MCUR1: variants seen among roughly 807,000 people sequenced by gnomAD.
MCUR1 encodes MCU regulator 1.
MCUR1 carries 37 observed loss-of-function variants against 42.0 expected under a neutral mutation model. The ratio of observed to expected loss-of-function variants is 0.88; its 90% confidence interval spans 0.68 to 1.16. The LOEUF (loss-of-function observed/expected upper bound fraction) is 1.16. MCUR1 is among the 50% of genes most tolerant of loss of function. The probability of loss-of-function intolerance (pLI) is 0.00; values close to 1 mark genes in which losing one functional copy is unlikely to be tolerated. For missense variants in MCUR1, 469 were observed against 468.4 expected (o/e 1.00, Z -0.01); for synonymous variants, 229 against 196.2 (o/e 1.17, Z -1.40).
chr6:13,808,461 C>A (rs988613703), intron 1 of MCUR1, among the ~76,000 whole-genome samples: 1 of 152,072 alleles, frequency 6.6e-6, no homozygotes, highest in African/African-American at 2.4e-5. Flanking sequence ...TTTCACTTTT[C>A]GATACTGTCT....
chr6:13,813,923 G>C, intron 1 of MCUR1, 92 bp downstream of exon 1: 1 of 1,196,788 alleles, frequency 8.4e-7, no homozygotes. Context: ...CGGCCTGCCG[G>C]GCCTTTCCTC....
intron 4 of MCUR1, among the ~76,000 whole-genome samples, chr6:13,801,018 T>C (rs1335817436): frequency 6.6e-6 from 1 of 152,204 alleles, no homozygotes; most frequent in Non-Finnish European, 1.5e-5. Flanking sequence ...AGACACACAG[T>C]ATGATACCAT....
At chr6:13,802,647 C>G (rs1424744865) in intron 2 of MCUR1, among the ~76,000 whole-genome samples, 1 of 152,148 alleles carries the variant, frequency 6.6e-6, no homozygotes, top group Non-Finnish European at 1.5e-5. Flanking sequence ...GGCAAGTCAA[C>G]ATCAAGTGAA....
chr6:13,809,723 C>G (rs6918106), intron 1 of MCUR1, among the ~76,000 whole-genome samples: 31,601 of 148,270 alleles, frequency 0.21, 5,917 homozygotes, highest in African/African-American at 0.5. Context: ...GCAAGACCTC[C>G]TCTCAAAAAA....
chr6:13,793,229 T>G (rs192869235), intron 7 of MCUR1, among the ~76,000 whole-genome samples: 2 of 152,214 alleles, frequency 1.3e-5, no homozygotes, highest in African/African-American at 4.8e-5. Context: ...CCAAACACTT[T>G]GTGAAGTGCA....
At chr6:13,804,713 C>T (rs956066476) in intron 2 of MCUR1, among the ~76,000 whole-genome samples, 4 of 149,318 alleles carry the variant, frequency 2.7e-5, no homozygotes, top group African/African-American at 1.0e-4. Flanking sequence ...TGGCATGAAC[C>T]CGGGAGGTGG....
In MCUR1 at chr6:13,814,357, C is replaced by A; in HGVS notation, c.73G>T (p.Val25Leu). The change falls in exon 1 of 9, where the codon GTG becomes TTG. Residue 25 changes from valine to leucine, a missense_variant. Coordinates refer to ENST00000379170, the MANE Select transcript of MCUR1 (RefSeq NM_001031713.4). ...PGRQRLLFLP[V>L]GLSGRPGGSE... is the part of the protein sequence containing the mutation. ...CCGCCCGGTCTTCCGCTGAGGCCCA[C>A]GGGCAAGAAGAGAAGCCGCTGGCGG... 1 of 1,523,012 alleles carries A rather than the reference C, an allele frequency of 6.6e-7. No homozygotes were observed. Among genetic ancestry groups the A allele is most frequent in the Non-Finnish European group, 8.7e-7 (1 of 1,143,700 alleles). 94.3% of individuals were successfully genotyped at this position (1,523,012 alleles called of 1,614,324 possible).
intron 1 of MCUR1, among the ~76,000 whole-genome samples, chr6:13,809,402 T>C (rs1760181757): frequency 6.6e-6 from 1 of 152,206 alleles, no homozygotes; most frequent in African/African-American, 2.4e-5. Flanking sequence ...TCTTTTCTTG[T>C]AATGTCTTTG....
At chr6:13,801,501 A>C (rs190235018) in intron 3 of MCUR1, 112 bp from the exon 4 acceptor site, 18 of 716,252 alleles carry the variant, frequency 2.5e-5, no homozygotes, top group South Asian at 2.1e-4. Flanking sequence ...GGACACAAAA[A>C]GAGGTTCAGT....
At position 13,814,000 on chromosome 6, in the gene MCUR1, C is replaced by T; in HGVS notation, c.415+15G>A. The T allele has an allele frequency of 8.1e-7, 1 of 1,231,530 alleles. No homozygotes were observed. The highest frequency in any genetic ancestry group is 1.0e-6 in the Non-Finnish European group (1 of 986,930). 76.3% of individuals were successfully genotyped at this position (1,231,530 alleles called of 1,614,324 possible). Reference sequence around the variant, plus strand: ...CGCGAGACGAGCCCCCTCTCCTCTCCCGCCCGGGCCTCACCTCTCCTGCAG... The same window carrying T: ...CGCGAGACGAGCCCCCTCTCCTCTCTCGCCCGGGCCTCACCTCTCCTGCAG... On this transcript the variant is annotated intron_variant, in intron 1 of 8. Transcript: ENST00000379170.
chr6:13,811,089 T>C (rs1760223569), intron 1 of MCUR1, among the ~76,000 whole-genome samples: 1 of 152,232 alleles, frequency 6.6e-6, no homozygotes, highest in African/African-American at 2.4e-5. Context: ...GTATACATTA[T>C]GTTCCAGGTG....
chr6:13,799,827 CTTTT>C (rs542304036), intron 5 of MCUR1, among the ~76,000 whole-genome samples: 86 of 96,192 alleles, frequency 8.9e-4, no homozygotes, highest in African/African-American at 2.8e-3. Context: ...ACACAATTTT[CTTTT>C]TTTTTTTTTT....
rs148875697 is a variant in MCUR1 at position 13,791,976 on chromosome 6, C to T, written c.926G>A (p.Arg309Gln). The T allele has an allele frequency of 5.0e-6, 8 of 1,613,742 alleles. No homozygotes were observed. Among genetic ancestry groups the T allele is most frequent in the Admixed American group, 3.3e-5 (2 of 59,972 alleles). ...CTTCCTGTCTGTCTGGGTAAGGGCC[C>T]GATCTTGCTGGGCATGCTTTTAAAA... is the stretch of plus-strand genomic sequence containing the variant. ...EIVALHAQQD[R>Q]ALTQTDRKIE... Residue 309 changes from arginine to glutamine, a missense_variant, in exon 8 of 9, where the codon CGG becomes CAG. By Grantham distance (43) the Arg-to-Gln change is conservative. Transcript: ENST00000379170.
intron 1 of MCUR1, among the ~76,000 whole-genome samples, chr6:13,808,972 G>A (rs892358696): frequency 1.3e-5 from 2 of 152,028 alleles, no homozygotes; most frequent in African/African-American, 2.4e-5. Flanking sequence ...ACAGGGTCTC[G>A]CTCTATTGCC....
At chr6:13,807,983 A>G (rs1475747646) in intron 1 of MCUR1, among the ~76,000 whole-genome samples, 1 of 152,110 alleles carries the variant, frequency 6.6e-6, no homozygotes, top group African/African-American at 2.4e-5. Context: ...CCCAAAGTTT[A>G]TGTGTTGAAA....
At chr6:13,793,339 TCA>T (rs1759777507) in intron 7 of MCUR1, among the ~76,000 whole-genome samples, 1 of 152,072 alleles carries the variant, frequency 6.6e-6, no homozygotes, top group South Asian at 2.1e-4. Flanking sequence ...GCAGCACTAT[TCA>T]CAAAGGCCAA....
chr6:13,811,801 C>G (rs1760240498), intron 1 of MCUR1, among the ~76,000 whole-genome samples: 1 of 152,046 alleles, frequency 6.6e-6, no homozygotes, highest in Non-Finnish European at 1.5e-5. Flanking sequence ...CTCACCCCCA[C>G]CCCCACATAA....
Position 13,806,974 on chromosome 6 carries a change from C to T in MCUR1, c.486G>A (p.Arg162=). ...AGGCATGAGTGTCGAAGTAGAGTTTCCTGCTCCCAGAAGAGGTGAAATCTC... is the reference window on the plus strand; with the variant it reads ...AGGCATGAGTGTCGAAGTAGAGTTTTCTGCTCCCAGAAGAGGTGAAATCTC... ...KRRDFTSSGS[R]KLYFDTHALV... The change falls in exon 2 of 9, where the codon AGG becomes AGA. Residue 162 remains arginine, a synonymous_variant. Transcript: ENST00000379170. 1 of 1,613,642 alleles carries T rather than the reference C, an allele frequency of 6.2e-7. No individual in the cohort carries two copies. Among genetic ancestry groups the T allele is most frequent in the Non-Finnish European group, 8.5e-7 (1 of 1,179,668 alleles).
chr6:13,803,939 A>G, intron 2 of MCUR1: 5 of 942,802 alleles, frequency 5.3e-6, no homozygotes, highest in Non-Finnish European at 6.3e-6. Flanking sequence ...CAGAACCAGC[A>G]TGGGCAACAT....
Sources: allele counts gnomAD v4.1 joint callset (sites outside exome capture counted in the v4.1 genomes callset), GRCh38; gene constraint gnomAD v4.1.1; transcripts MANE v1.5; gene names NCBI Gene and HGNC (gene_info 2026-07-23, HGNC 2026-07-21).